The following ZNF185 variants were observed in gnomAD, a reference collection of about 807,000 sequenced individuals.
ZNF185 encodes zinc finger protein 185.
Under a neutral mutation model 58.6 loss-of-function variants are expected in ZNF185, and 56 were observed. The ratio of observed to expected loss-of-function variants is 0.95; its 90% CI spans 0.77 to 1.19. The LOEUF is 1.19. ZNF185 is among the 50% of genes most tolerant of loss of function. ZNF185 has a pLI of 0.00. For synonymous variants in ZNF185, 230 were observed against 215.9 expected, an observed-to-expected ratio of 1.07 and a Z score of -0.57; for missense variants, 627 against 573.5, an observed-to-expected ratio of 1.09 and a Z score of -0.95.
Position 152,945,772 on chromosome X carries a change from T to C in ZNF185, c.1409+308T>C, listed in dbSNP as rs186285674. On this transcript the variant is annotated intron_variant, in intron 16 of 22. Coordinates refer to ENST00000449285, the Ensembl canonical transcript of ZNF185. ...AGGCTGTCTCTCAGAGTACAGGTGCTCTACAGGTGGGGGTCCTGGGCAGAG... is the reference window on the plus strand; with the variant it reads ...AGGCTGTCTCTCAGAGTACAGGTGCCCTACAGGTGGGGGTCCTGGGCAGAG... 3.6e-5 allele frequency among the ~76,000 whole-genome samples: 4 copies of C among 111,681 alleles called. No homozygotes were observed. In the Admixed American group the frequency reaches 3.8e-4, roughly 11 times the overall value.
chrX:152,911,070 G>T (rs781837300), upstream of ZNF185, among the ~76,000 whole-genome samples: 20 of 111,853 alleles, frequency 1.8e-4, no homozygotes, highest in Non-Finnish European at 5.7e-5. Flanking sequence ...GCTGAGGTTG[G>T]GGGAGGAGCA....
chrX:152,964,059 G>A (rs2049849329), intron 18 of ZNF185, 110 bp downstream of exon 20: 1 of 712,672 alleles, frequency 1.4e-6, no homozygotes, highest in South Asian at 2.5e-5. Flanking sequence ...GCCTTCCCCA[G>A]TTTCTAGCAG....
At chrX:152,943,534 G>T (rs1412172346) in intron 15 of ZNF185, among the ~76,000 whole-genome samples, 2 of 112,637 alleles carry the variant, frequency 1.8e-5, no homozygotes, top group African/African-American at 6.5e-5. Flanking sequence ...TAGCTGGGAA[G>T]TAATTCCCCT....
chrX:152,946,227 CGA>C (rs1556895068), intron 16 of ZNF185, among the ~76,000 whole-genome samples: 2 of 111,962 alleles, frequency 1.8e-5, no homozygotes, highest in Admixed American at 1.9e-4. Flanking sequence ...CATATTGCCC[CGA>C]GAGAGGAGCT....
intron 14 of ZNF185, among the ~76,000 whole-genome samples, chrX:152,935,786 AC>A (rs1556881129): frequency 8.9e-6 from 1 of 111,912 alleles, no homozygotes; most frequent in Non-Finnish European, 1.9e-5. Flanking sequence ...AAACAAGAGC[AC>A]CTCTTAGTGA....
intron 7 of ZNF185, among the ~76,000 whole-genome samples, chrX:152,919,800 C>A (rs992018619): frequency 1.8e-5 from 2 of 112,766 alleles, no homozygotes; most frequent in Admixed American, 1.9e-4. Flanking sequence ...TCTGCTGACC[C>A]ATCTGTGGCG....
intron 15 of ZNF185, among the ~76,000 whole-genome samples, chrX:152,941,135 G>A (rs1556888937): frequency 8.9e-6 from 1 of 111,760 alleles, no homozygotes; most frequent in Non-Finnish European, 1.9e-5. Flanking sequence ...ATTTTTCTGG[G>A]GTGGGTCTCC....
chrX:152,924,215 A>G (rs1227615172), intron 11 of ZNF185, among the ~76,000 whole-genome samples: 11 of 111,747 alleles, frequency 9.8e-5, no homozygotes, highest in African/African-American at 3.6e-4. Flanking sequence ...TCCAGGCTCA[A>G]GAGAGCCTCC....
upstream of ZNF185, among the ~76,000 whole-genome samples, chrX:152,912,695 C>T (rs1042721886): frequency 5.3e-5 from 6 of 112,336 alleles, no homozygotes; most frequent in African/African-American, 1.9e-4. Flanking sequence ...AACCTAAAGA[C>T]GAAAGACTAG....
At chrX:152,940,155 T>C (rs2047008959) in intron 15 of ZNF185, among the ~76,000 whole-genome samples, 2 of 110,600 alleles carry the variant, frequency 1.8e-5, no homozygotes, top group South Asian at 7.7e-4. Context: ...AGTACTGAAA[T>C]ACACTGTTGA....
intron 16 of ZNF185, among the ~76,000 whole-genome samples, chrX:152,945,943 C>T (rs977175123): frequency 8.9e-6 from 1 of 112,088 alleles, no homozygotes; most frequent in South Asian, 3.7e-4. Context: ...CATGTGTGAG[C>T]AGGCATGAGA....
intron 2 of ZNF185, 41 bp from the exon 4 acceptor site, chrX:152,915,097 G>T (rs201805598): frequency 8.4e-7 from 1 of 1,189,730 alleles, no homozygotes; most frequent in Admixed American, 2.3e-5. Context: ...AGGTGACAGG[G>T]AGTCTCGGAG....
Position 152,919,094 on chromosome X carries a change from T to C in ZNF185, c.530+13T>C. ...AACAGAAACGGAGGTAATGGAATGG[T>C]GCCTTTTGGGCATCCCGGGGGGCAG... On this transcript the variant is annotated intron_variant, in intron 7 of 22. Transcript: ENST00000449285. The C allele has an allele frequency of 8.5e-7, 1 of 1,180,777 alleles. No individual in the cohort carries two copies.
intron 12 of ZNF185, among the ~76,000 whole-genome samples, chrX:152,929,918 C>T (rs1217259450): frequency 8.9e-6 from 1 of 112,536 alleles, no homozygotes; most frequent in Admixed American, 9.4e-5. Flanking sequence ...TGCCCTTTCC[C>T]CTCTTCATCT....
intron 21 of ZNF185, 90 bp from the exon 24 acceptor site, chrX:152,970,353 C>T (rs2050558419): frequency 1.2e-6 from 1 of 830,508 alleles, no homozygotes; most frequent in Non-Finnish European, 1.8e-6. Flanking sequence ...AGCATCTGCT[C>T]GCCCACCTTG....
chrX:152,934,935 C>A (rs112404133), intron 14 of ZNF185, among the ~76,000 whole-genome samples: 5 of 111,626 alleles, frequency 4.5e-5, no homozygotes, highest in African/African-American at 1.6e-4. Context: ...GGGATCCTCC[C>A]ACATCAGCCT....
intron 11 of ZNF185, among the ~76,000 whole-genome samples, chrX:152,927,241 G>A (rs950794559): frequency 6.2e-5 from 7 of 112,434 alleles, no homozygotes; most frequent in African/African-American, 2.3e-4. Flanking sequence ...TCGTTATCAC[G>A]AGAGGAGATG....
chrX:152,909,128 A>T, the ZNF185 span, among the ~76,000 whole-genome samples: 1 of 112,437 alleles, frequency 8.9e-6, no homozygotes, highest in African/African-American at 3.2e-5. Flanking sequence ...GGCTTCCCAA[A>T]TGGGGTTCAC....
At chrX:152,915,663 C>G (rs1480096278) in intron 3 of ZNF185, among the ~76,000 whole-genome samples, 1 of 112,484 alleles carries the variant, frequency 8.9e-6, no homozygotes, top group African/African-American at 3.2e-5. Flanking sequence ...TAGAGAGGCA[C>G]GAGTTTGCTC....
Sources: allele counts gnomAD v4.1 joint callset (sites outside exome capture counted in the v4.1 genomes callset), GRCh38; gene constraint gnomAD v4.1.1; transcripts MANE v1.5; gene names NCBI Gene and HGNC (gene_info 2026-07-23, HGNC 2026-07-21).